The following MAP3K19 variants were observed in gnomAD, a reference collection of about 807,000 sequenced individuals.
The protein encoded by MAP3K19 is mitogen-activated protein kinase kinase kinase 19.
Under a neutral mutation model 114.4 loss-of-function variants are expected in MAP3K19, and 91 were observed. That is an observed-to-expected ratio of 0.80 (90% CI 0.67 to 0.95). The LOEUF (loss-of-function observed/expected upper bound fraction) is 0.95. Ranked by LOEUF, MAP3K19 falls within the 40% of genes least tolerant of loss-of-function variation. MAP3K19 has a pLI of 0.00. For missense variants in MAP3K19, 1,471 were observed against 1,573.2 expected, an observed-to-expected ratio of 0.94 and a Z score of 1.10; for synonymous variants, 518 against 530.5, an observed-to-expected ratio of 0.98 and a Z score of 0.32.
rs758335973 is a variant in MAP3K19 at position 134,986,864 on chromosome 2, C to T, written c.2008G>A (p.Val670Ile). 4 of 1,614,030 alleles carry T rather than the reference C, an allele frequency of 2.5e-6. No individual in the cohort carries two copies. In the African/African-American group the frequency reaches 5.3e-5, roughly 22 times the overall value. Residue 670 changes from valine to isoleucine, a missense_variant, in exon 10 of 13, where the codon GTT becomes ATT. Val to Ile is a conservative substitution (Grantham distance 29). Transcript: ENST00000392915. ...TCAGTCTCTCGCACATGACAATAAA[C>T]AGGGGTCCCAAACATTTCATAGATT... ...PGIYEMFGTP[V>I]YCHVRETERD... is the part of the protein sequence containing the mutation.
intron 8 of MAP3K19, 53 bp downstream of exon 8, chr2:134,998,685 A>T: frequency 6.5e-7 from 1 of 1,529,580 alleles, no homozygotes; most frequent in Non-Finnish European, 8.8e-7. Context: ...GGCACAATAC[A>T]TAAATATTTG....
intron 9 of MAP3K19, among the ~76,000 whole-genome samples, chr2:134,988,661 A>G (rs1685350905): frequency 6.6e-6 from 1 of 152,298 alleles, no homozygotes; most frequent in South Asian, 2.1e-4. Context: ...AAATGCTGGA[A>G]TTACAGGCAT....
chr2:135,004,881 G>C (rs988436208), intron 6 of MAP3K19, among the ~76,000 whole-genome samples: 1 of 152,148 alleles, frequency 6.6e-6, no homozygotes, highest in Non-Finnish European at 1.5e-5. Context: ...TGTGGTTCCG[G>C]AAGGGAACCG....
intron 12 of MAP3K19, among the ~76,000 whole-genome samples, chr2:134,967,857 CTT>C (rs573777137): frequency 2.8e-5 from 4 of 143,284 alleles, no homozygotes; most frequent in Admixed American, 7.0e-5. Context: ...TTCTTTCTTT[CTT>C]TTTTTTTTTT....
At chr2:134,975,907 G>T (rs1354327170) in intron 12 of MAP3K19, among the ~76,000 whole-genome samples, 1 of 152,226 alleles carries the variant, frequency 6.6e-6, no homozygotes. Flanking sequence ...CTGCTAGAAA[G>T]GGTGGGGTTG....
intron 12 of MAP3K19, among the ~76,000 whole-genome samples, chr2:134,968,942 A>C (rs368249418): frequency 1.3e-5 from 2 of 150,586 alleles, no homozygotes; most frequent in Admixed American, 6.6e-5. Context: ...ACTTCCCAGA[A>C]GGGGTGGCGG....
chr2:135,038,857 C>CAA (rs879886378), intron 2 of MAP3K19, among the ~76,000 whole-genome samples: 1 of 132,908 alleles, frequency 7.5e-6, no homozygotes, highest in Non-Finnish European at 1.6e-5. Flanking sequence ...GACTCCATCT[C>CAA]AAAAAAAAAA....
intron 12 of MAP3K19, among the ~76,000 whole-genome samples, chr2:134,975,990 C>T (rs1449949506): frequency 6.6e-6 from 1 of 152,200 alleles, no homozygotes; most frequent in Non-Finnish European, 1.5e-5. Context: ...CCCTTTGTCC[C>T]AGGAGCAGCC....
At chr2:134,968,999 T>G (rs6430558) in intron 12 of MAP3K19, among the ~76,000 whole-genome samples, 152,267 of 152,276 alleles carry the variant, frequency 1, 76,129 homozygotes, top group Middle Eastern at 1. Context: ...CAAGGCAGGC[T>G]GCTGGGAGGT....
Position 134,986,728 on chromosome 2 carries a change from C to T in MAP3K19, c.2144G>A (p.Arg715Lys), listed in dbSNP as rs1443262305. 7 of 1,614,076 alleles carry T rather than the reference C, an allele frequency of 4.3e-6. No individual in the cohort carries two copies. The highest frequency in any genetic ancestry group is 3.3e-5 in the Admixed American group (2 of 60,002). ...CATATGTGTTTTTTTCTGAGAAAGT[C>T]TTGTTCTGATATTGCTCTTCCTCTC... The part of the protein sequence containing the change: ...HSERKSNIRT[R>K]LSQKKTHMKC... The change falls in exon 10 of 13, where the codon AGA becomes AAA. Residue 715 changes from arginine (R) to lysine (K), a missense_variant. By Grantham distance (26) the Arg-to-Lys change is conservative (BLOSUM62 2). Transcript: ENST00000392915.
chr2:135,004,230 G>A (rs1217681224), intron 6 of MAP3K19, among the ~76,000 whole-genome samples: 2 of 152,212 alleles, frequency 1.3e-5, no homozygotes, highest in African/African-American at 4.8e-5. Flanking sequence ...AGGCTTCTAA[G>A]AGCTTGGCTT....
In MAP3K19 at chr2:134,987,974, G is replaced by T. The variant is rs758480391; in HGVS notation, c.898C>A (p.Gln300Lys). 1 of 1,613,972 alleles carries T rather than the reference G, an allele frequency of 6.2e-7. No individual in the cohort carries two copies. The highest frequency in any genetic ancestry group is 1.3e-5 in the African/African-American group (1 of 74,878). The change falls in exon 10 of 13, where the codon CAA (glutamine) becomes AAA (lysine). Residue 300 changes from glutamine (Q) to lysine (K), a missense_variant. Coordinates refer to ENST00000392915, the MANE Select transcript of MAP3K19 (RefSeq NM_025052.5). ...CAGTTTTCCTCCTTCTCCAGGCATT[G>T]CCTGTGATGGTTAGTCTTAGGAAAA... ...CSFPKTNHHR[Q>K]CLEKEENWKS...
Position 134,981,216 on chromosome 2 carries a change from A to T in MAP3K19, c.3525T>A (p.Ala1175=). 3 of 1,614,204 alleles carry T rather than the reference A, an allele frequency of 1.9e-6. No homozygotes were observed. The highest frequency in any genetic ancestry group is 2.5e-6 in the Non-Finnish European group (3 of 1,180,056). The change falls in exon 12 of 13, where the codon GCT becomes GCA. Residue 1175 remains alanine, a synonymous_variant. Transcript: ENST00000392915. The part of the protein sequence containing the change: ...KYTKQILQGV[A]YLHENCVVHR... Reference sequence around the variant, plus strand: ...GTACCACACAGTTCTCATGGAGATAAGCAACACCTTGAAGTATTTGTTTCG... The same window carrying T: ...GTACCACACAGTTCTCATGGAGATATGCAACACCTTGAAGTATTTGTTTCG...
At chr2:134,965,219 A>T (rs1301826435) in intron 12 of MAP3K19, among the ~76,000 whole-genome samples, 1 of 152,204 alleles carries the variant, frequency 6.6e-6, no homozygotes, top group Non-Finnish European at 1.5e-5. Flanking sequence ...GTGATTGAAA[A>T]CTAGGCCCTA....
chr2:134,985,669 C>G, intron 10 of MAP3K19, 131 bp downstream of exon 10: 1 of 703,652 alleles, frequency 1.4e-6, no homozygotes, highest in South Asian at 2.8e-5. Flanking sequence ...TGTGATCAAA[C>G]AGTGAGACCT....
chr2:135,037,357 G>A (rs183577984), intron 2 of MAP3K19, among the ~76,000 whole-genome samples: 131 of 152,286 alleles, frequency 8.6e-4, no homozygotes, highest in Admixed American at 4.3e-3. Flanking sequence ...AGGACTTTGC[G>A]CAGCATTGTT....
At chr2:134,971,470 A>G (rs1445675086) in intron 12 of MAP3K19, among the ~76,000 whole-genome samples, 2 of 152,114 alleles carry the variant, frequency 1.3e-5, no homozygotes, top group African/African-American at 4.8e-5. Flanking sequence ...TTCCTTCTCA[A>G]TTTTTTGGAA....
At chr2:135,046,194 C>T (rs575359123) in intron 1 of MAP3K19, among the ~76,000 whole-genome samples, 1 of 152,292 alleles carries the variant, frequency 6.6e-6, no homozygotes, top group Admixed American at 6.5e-5. Context: ...ATTTCCTCTT[C>T]CAACCTTCAA....
chr2:134,983,128 T>A, intron 11 of MAP3K19: 1 of 510,532 alleles, frequency 2.0e-6, no homozygotes, highest in Non-Finnish European at 4.0e-6. Context: ...CCCTACTGTG[T>A]TATCAAACAC....
Sources: allele counts gnomAD v4.1 joint callset (sites outside exome capture counted in the v4.1 genomes callset), GRCh38; gene constraint gnomAD v4.1.1; transcripts MANE v1.5; gene names NCBI Gene and HGNC (gene_info 2026-07-23, HGNC 2026-07-21).